JPH1: variants seen among roughly 807,000 people sequenced by gnomAD.
The protein encoded by JPH1 is junctophilin-1.
A neutral mutation model predicts 53.6 loss-of-function variants in JPH1; 12 were observed. That is an observed-to-expected ratio of 0.22 (90% CI 0.14 to 0.36). The LOEUF (loss-of-function observed/expected upper bound fraction) is 0.36, where lower values mean the gene tolerates loss of function less well. JPH1 is among the 10% of genes least tolerant of loss of function. The probability of loss-of-function intolerance (pLI) is 1.00; values close to 1 mark genes in which losing one functional copy is unlikely to be tolerated. For synonymous variants in JPH1, 375 were observed against 363.8 expected, an observed-to-expected ratio of 1.03 and a Z score of -0.35; for missense variants, 808 against 905.5, an observed-to-expected ratio of 0.89 and a Z score of 1.38.
chr8:74,313,200 G>A (rs375208619), intron 2 of JPH1, among the ~76,000 whole-genome samples: 163 of 152,328 alleles, frequency 1.1e-3, no homozygotes, highest in African/African-American at 3.8e-3. Flanking sequence ...GAATCCAAGT[G>A]TGCATTTAAA....
chr8:74,272,535 T>C (rs1007374683), intron 2 of JPH1, among the ~76,000 whole-genome samples: 7 of 151,956 alleles, frequency 4.6e-5, no homozygotes, highest in African/African-American at 1.7e-4. Context: ...AGCATGATCT[T>C]GTATGGCAGA....
chr8:74,291,347 A>T (rs1586761665), intron 2 of JPH1, among the ~76,000 whole-genome samples: 2 of 152,260 alleles, frequency 1.3e-5, no homozygotes, highest in East Asian at 1.9e-4. Context: ...AAAAGAAGAC[A>T]TTTATGCAGC....
At chr8:74,244,475 G>A (rs1038217243) in intron 4 of JPH1, 54 bp downstream of exon 4, 11 of 1,532,138 alleles carry the variant, frequency 7.2e-6, no homozygotes, top group African/African-American at 5.5e-5. Flanking sequence ...CACACAGCTC[G>A]CTGAAAGAAA....
At chr8:74,319,518 GTTTTT>G (rs1012816001) in intron 1 of JPH1, among the ~76,000 whole-genome samples, 2 of 151,990 alleles carry the variant, frequency 1.3e-5, no homozygotes, top group Admixed American at 1.3e-4. Context: ...ATTAGAGAAC[GTTTTT>G]TTCTTTTAAT....
rs772916935 is a variant in JPH1, at chr8:74,259,387, G to C, written c.1256C>G (p.Pro419Arg). 1.9e-6 allele frequency: 3 copies of C among 1,612,114 alleles called. No individual in the cohort carries two copies. The change falls in exon 3 of 6, where the codon CCA (proline) becomes CGA (arginine). Residue 419 changes from proline to arginine, a missense_variant and splice_region_variant. Pro to Arg is a moderately radical substitution (Grantham distance 103). Transcript: ENST00000342232. ...ARELSPDFYQ[P>R]GPDYVKQRFQ... is the part of the protein sequence containing the mutation. ...CCATCAAAGGAGCACTGTTTTACCT[G>C]GTTGGTAGAAATCAGGTGACAGCTC...
Position 74,315,442 on chromosome 8 carries a change from C to T in JPH1, c.558G>A (p.Pro186=), listed in dbSNP as rs1435258883. The T allele has an allele frequency of 1.2e-5, 19 of 1,610,250 alleles. No individual in the cohort carries two copies. Among genetic ancestry groups the T allele is most frequent in the East Asian group, 2.2e-5 (1 of 44,816 alleles). Residue 186 remains proline (P), a synonymous_variant, in exon 2 of 6, where the codon CCG becomes CCA. Transcript: ENST00000342232. This position sits in a 1 kb window ranked among gnomAD's most constrained non-coding sequence, Gnocchi z 6.3. ...GCACGAAACCGCCGCGGGTGCCGGCCGGGCTGTCGGCGGCGGCTGCGGCGT... is the reference window on the plus strand; with the variant it reads ...GCACGAAACCGCCGCGGGTGCCGGCTGGGCTGTCGGCGGCGGCTGCGGCGT... The part of the protein sequence containing the change: ...LHDAAAAADS[P]AGTRGGFVLN...
chr8:74,286,835 A>C (rs1040001669), intron 2 of JPH1, among the ~76,000 whole-genome samples: 1 of 152,218 alleles, frequency 6.6e-6, no homozygotes, highest in African/African-American at 2.4e-5. Context: ...ATCTTCCTAA[A>C]GTGCCTTCCA....
At chr8:74,264,794 T>C (rs1324388500) in intron 2 of JPH1, among the ~76,000 whole-genome samples, 1 of 152,214 alleles carries the variant, frequency 6.6e-6, no homozygotes, top group Non-Finnish European at 1.5e-5. Flanking sequence ...AATGTTCACA[T>C]GCCTTTTGTA....
At position 74,321,093 on chromosome 8, in the gene JPH1, C is replaced by A; in HGVS notation, c.195G>T (p.Ala65=). The change falls in exon 1 of 6, where the codon GCG becomes GCT. Residue 65 remains alanine (A), a synonymous_variant. Coordinates refer to ENST00000342232, the MANE Select transcript of JPH1 (RefSeq NM_020647.4). This position sits in a 1 kb window ranked among gnomAD's most constrained non-coding sequence, Gnocchi z 4.3. ...CCCCCAGCCCGTGCCGCTTGCCCTG[C>A]GCCCAGTAGCCCTGGTAGGTGTTGC... ...PSGNTYQGYW[A]QGKRHGLGVE... 6.2e-7 allele frequency: 1 copy of A among 1,613,506 alleles called. No homozygotes were observed. Among genetic ancestry groups the A allele is most frequent in the Non-Finnish European group, 8.5e-7 (1 of 1,179,708 alleles).
chr8:74,283,239 A>C (rs776696420), intron 2 of JPH1, among the ~76,000 whole-genome samples: 1 of 151,930 alleles, frequency 6.6e-6, no homozygotes, highest in Non-Finnish European at 1.5e-5. Context: ...GTAAAATATA[A>C]AATGTTATTA....
In JPH1 at chr8:74,314,526, C is replaced by CAAA. The variant is rs112863291; in HGVS notation, c.1139+332_1139+334dup. On this transcript the variant is annotated intron_variant, in intron 2 of 5. Transcript: ENST00000342232. ...GGCAGCATTTCAGAGGTCCTTCTTA[C>CAAA]AAAAAAAAGAAAAGAAAACAGCAAC... Among the ~76,000 whole-genome samples, 544 of 151,602 alleles carry CAAA rather than the reference C, an allele frequency of 3.6e-3. 1 individual carries two copies. The highest frequency in any genetic ancestry group is 5.1e-3 in the African/African-American group (210 of 41,312).
intron 2 of JPH1, among the ~76,000 whole-genome samples, chr8:74,303,878 CT>C (rs2074785944): frequency 6.6e-6 from 1 of 152,196 alleles, no homozygotes; most frequent in South Asian, 2.1e-4. Flanking sequence ...TAGCCTTCCC[CT>C]ATCCTTGGGA....
intron 2 of JPH1, among the ~76,000 whole-genome samples, chr8:74,309,392 G>A (rs1208985181): frequency 6.6e-6 from 1 of 152,162 alleles, no homozygotes; most frequent in Non-Finnish European, 1.5e-5. Context: ...TCAGTCGCGT[G>A]AGGCCAGCTC....
intron 2 of JPH1, among the ~76,000 whole-genome samples, chr8:74,279,781 A>C (rs1027388065): frequency 2.0e-5 from 3 of 152,162 alleles, no homozygotes; most frequent in Non-Finnish European, 4.4e-5. Flanking sequence ...CCCTGCCTCC[A>C]ACAACAGCCC....
chr8:74,314,788 T>C (rs889058377), intron 2 of JPH1, 73 bp downstream of exon 2: 9 of 1,525,748 alleles, frequency 5.9e-6, no homozygotes, highest in Non-Finnish European at 6.3e-6. Flanking sequence ...CACTGGCAGA[T>C]AGACAAACAT....
chr8:74,304,932 T>C (rs1807790291), intron 2 of JPH1, among the ~76,000 whole-genome samples: 1 of 152,194 alleles, frequency 6.6e-6, no homozygotes, highest in African/African-American at 2.4e-5. Flanking sequence ...ATTCCTTACA[T>C]ATTAATTAAA....
At chr8:74,271,163 C>T (rs1283075856) in intron 2 of JPH1, among the ~76,000 whole-genome samples, 2 of 152,092 alleles carry the variant, frequency 1.3e-5, no homozygotes, top group African/African-American at 4.8e-5. Flanking sequence ...TTCTAGAGGC[C>T]CAAGAATTCA....
chr8:74,254,256 CG>C (rs1457468155), intron 3 of JPH1, among the ~76,000 whole-genome samples: 7 of 152,160 alleles, frequency 4.6e-5, no homozygotes, highest in Admixed American at 1.3e-4. Context: ...AATGAATAAA[CG>C]TAATCCAGCA....
intron 3 of JPH1, among the ~76,000 whole-genome samples, chr8:74,257,199 C>T (rs562455954): frequency 1.6e-4 from 25 of 152,330 alleles, no homozygotes; most frequent in Middle Eastern, 3.4e-3. Context: ...CAAATAGACC[C>T]GCTGTCGTCC....
Sources: gnomAD v4.1 joint callset for allele counts (sites outside exome capture counted in the v4.1 genomes callset) on GRCh38, gnomAD v4.1.1 for gene constraint, Gnocchi (gnomAD v3.1) non-coding constraint, MANE v1.5 for transcripts, NCBI Gene and HGNC (gene_info 2026-07-23, HGNC 2026-07-21) for gene names.